VPS13A: variants seen among roughly 807,000 people sequenced by gnomAD.
VPS13A encodes the protein intermembrane lipid transfer protein VPS13A.
VPS13A carries 264 observed loss-of-function variants against 390.9 expected under a neutral mutation model. The observed-to-expected ratio is 0.68, with a 90% CI of 0.61 to 0.75. The LOEUF (loss-of-function observed/expected upper bound fraction) is 0.75. VPS13A is among the 30% of genes least tolerant of loss of function. VPS13A has a pLI of 0.00. For synonymous variants in VPS13A, 1,231 were observed against 1,227.1 expected, an observed-to-expected ratio of 1.00 and a Z score of -0.07; for missense variants, 3,409 against 3,733.9, an observed-to-expected ratio of 0.91 and a Z score of 2.27.
chr9:77,398,509 G>A (rs904762618), intron 68 of VPS13A, among the ~76,000 whole-genome samples: 7 of 152,012 alleles, frequency 4.6e-5, no homozygotes, highest in African/African-American at 1.7e-4. Context: ...GGAGTTTTTC[G>A]GTTCCAAAAT....
chr9:77,292,766 C>T (rs774768170), intron 31 of VPS13A, among the ~76,000 whole-genome samples: 3 of 152,036 alleles, frequency 2.0e-5, no homozygotes, highest in South Asian at 2.1e-4. Flanking sequence ...CTCCTGTTGT[C>T]GCCACCATTT....
At chr9:77,371,224 T>A in intron 67 of VPS13A, 75 bp downstream of exon 67, 1 of 1,594,606 alleles carries the variant, frequency 6.3e-7, no homozygotes, top group Non-Finnish European at 8.6e-7. Flanking sequence ...GCTCTTTGGC[T>A]TCAGGCATTT....
intron 29 of VPS13A, 45 bp from the exon 30 acceptor site, chr9:77,283,310 T>C (rs1006015885): frequency 2.6e-6 from 3 of 1,149,850 alleles, no homozygotes; most frequent in Non-Finnish European, 3.9e-6. Flanking sequence ...AGGTAACTAC[T>C]AAATGTTTTT....
intron 32 of VPS13A, 128 bp downstream of exon 32, chr9:77,293,636 C>T: frequency 2.2e-6 from 1 of 462,258 alleles, no homozygotes; most frequent in Non-Finnish European, 3.5e-6. Context: ...TTCTGGGTAC[C>T]ATTTATTATA....
chr9:77,406,005 A>C lies in VPS13A; in HGVS notation c.9399+18A>C, dbSNP rs747129706. On this transcript the variant is annotated intron_variant, in intron 70 of 71. Coordinates refer to ENST00000360280, the MANE Select transcript of VPS13A (RefSeq NM_033305.3). ...AAGCAAAGGTATGTTGAATAGATTT[A>C]TTTTTTGAAAACTTGGAACTGAAAA... 6.2e-7 allele frequency: 1 copy of C among 1,612,858 alleles called. No homozygotes were observed. The highest frequency in any genetic ancestry group is 8.5e-7 in the Non-Finnish European group (1 of 1,179,824).
rs1484533692 is a variant in VPS13A at position 77,265,521 on chromosome 9, T to A, written c.2427+5297T>A. On this transcript the variant is annotated intron_variant, in intron 23 of 71. Transcript: ENST00000360280. ...GATTCGACTTCTTCCTGATTTAGTCTTGAGAGGGTGTATGTGTCCAGGAAT... is the reference window on the plus strand; with the variant it reads ...GATTCGACTTCTTCCTGATTTAGTCATGAGAGGGTGTATGTGTCCAGGAAT... Among the ~76,000 whole-genome samples the A allele has an allele frequency of 1.3e-5, 2 of 152,318 alleles. 1 individual carries two copies. The highest frequency in any genetic ancestry group is 6.8e-3 in the Middle Eastern group (2 of 294).
chr9:77,184,604 G>A (rs1391630440), intron 1 of VPS13A, among the ~76,000 whole-genome samples: 2 of 152,190 alleles, frequency 1.3e-5, no homozygotes, highest in African/African-American at 4.8e-5. Context: ...AGGTGACAGA[G>A]CAAGACTCCG....
At chr9:77,329,230 T>G (rs977526298) in intron 45 of VPS13A, among the ~76,000 whole-genome samples, 8 of 152,232 alleles carry the variant, frequency 5.3e-5, no homozygotes, top group Admixed American at 5.2e-4. Flanking sequence ...GCAATAAGGC[T>G]GTTTCACTTT....
chr9:77,289,937 C>T (rs1220530723), intron 31 of VPS13A, among the ~76,000 whole-genome samples: 1 of 152,066 alleles, frequency 6.6e-6, no homozygotes, highest in African/African-American at 2.4e-5. Context: ...TGTGCCACCA[C>T]ACCTGGCTAA....
intron 71 of VPS13A, among the ~76,000 whole-genome samples, chr9:77,412,567 A>G (rs548261052): frequency 3.3e-4 from 50 of 152,338 alleles, no homozygotes; most frequent in Non-Finnish European, 5.7e-4. Context: ...AAAACTCTCA[A>G]TAAATTAATT....
rs143067406 is a variant in VPS13A at position 77,283,429 on chromosome 9, A to C, written c.3193A>C (p.Ile1065Leu). ...AGAATTATCGTGTTTACAGATCTTT[A>C]TTCAAGATCAGAAATGTAACATTTC... Reference protein sequence around the residue: ...LAELSCLQIFIQDQKCNISEI... With the variant: ...LAELSCLQIFLQDQKCNISEI... The change falls in exon 30 of 72, where the codon ATT (isoleucine) becomes CTT (leucine). Residue 1065 changes from isoleucine (I) to leucine (L), a missense_variant. Ile to Leu is a conservative substitution (Grantham distance 5). Around this residue, in one of 5 missense-constraint regions of VPS13A, gnomAD observed 2,717 missense variants for 2,917.4 expected, o/e 0.93. Transcript: ENST00000360280. 6.2e-7 allele frequency: 1 copy of C among 1,607,746 alleles called. No individual in the cohort carries two copies. Among genetic ancestry groups the C allele is most frequent in the Non-Finnish European group, 8.5e-7 (1 of 1,174,710 alleles).
intron 17 of VPS13A, among the ~76,000 whole-genome samples, chr9:77,235,720 T>C (rs1040210037): frequency 1.3e-5 from 2 of 152,182 alleles, no homozygotes. Context: ...CACTGTTCAT[T>C]GTTCTTCATT....
At chr9:77,272,086 A>T (rs1826383431) in intron 23 of VPS13A, among the ~76,000 whole-genome samples, 1 of 152,154 alleles carries the variant, frequency 6.6e-6, no homozygotes, top group Non-Finnish European at 1.5e-5. Context: ...AATGAGCAGA[A>T]TTTCACAGAA....
At chr9:77,402,216 GC>G (rs746774374) in intron 68 of VPS13A, among the ~76,000 whole-genome samples, 9 of 152,062 alleles carry the variant, frequency 5.9e-5, no homozygotes, top group Non-Finnish European at 1.0e-4. Context: ...CTTCTTCCAT[GC>G]AATTAATCTG....
intron 32 of VPS13A, among the ~76,000 whole-genome samples, chr9:77,294,514 G>A (rs1222850476): frequency 6.6e-6 from 1 of 152,074 alleles, no homozygotes; most frequent in African/African-American, 2.4e-5. Context: ...GCCAAGTGTG[G>A]CAATTCTTAT....
intron 35 of VPS13A, among the ~76,000 whole-genome samples, chr9:77,312,693 G>A (rs928620788): frequency 6.6e-6 from 1 of 152,146 alleles, no homozygotes; most frequent in Non-Finnish European, 1.5e-5. Flanking sequence ...GGGATTACAG[G>A]TGTGAGCCAC....
chr9:77,299,496 C>T (rs570610103), intron 33 of VPS13A, among the ~76,000 whole-genome samples: 2 of 152,130 alleles, frequency 1.3e-5, no homozygotes, highest in Non-Finnish European at 2.9e-5. Context: ...TTAGTGCAAC[C>T]ATTGTGGAAA....
At chr9:77,221,467 C>A in intron 13 of VPS13A, 111 bp downstream of exon 13, 1 of 1,223,888 alleles carries the variant, frequency 8.2e-7, no homozygotes, top group Non-Finnish European at 1.2e-6. Flanking sequence ...ACCTTTTCAT[C>A]TCTTTTACTT....
intron 68 of VPS13A, among the ~76,000 whole-genome samples, chr9:77,400,897 A>G (rs1834360514): frequency 6.6e-6 from 1 of 152,066 alleles, no homozygotes; most frequent in African/African-American, 2.4e-5. Context: ...CTATACTTAA[A>G]TCATTGATCC....
Sources: gnomAD v4.1 joint callset for allele counts (sites outside exome capture counted in the v4.1 genomes callset) on GRCh38, gnomAD v4.1.1 for gene constraint, gnomAD v4.1.1 regional missense constraint, MANE v1.5 for transcripts, NCBI Gene and HGNC (gene_info 2026-07-23, HGNC 2026-07-21) for gene names.